EDA: variants seen among roughly 807,000 people sequenced by gnomAD.
EDA encodes ectodysplasin A.
EDA carries 2 observed loss-of-function variants against 23.6 expected under a neutral mutation model. The ratio of observed to expected loss-of-function variants is 0.08; its 90% CI spans 0.03 to 0.27. The LOEUF (loss-of-function observed/expected upper bound fraction) is 0.27. EDA is among the 10% of genes least tolerant of loss of function. EDA has a pLI of 1.00. For missense variants in EDA, 229 were observed against 324.2 expected, an observed-to-expected ratio of 0.71 and a Z score of 2.26; for synonymous variants, 131 against 132.0, an observed-to-expected ratio of 0.99 and a Z score of 0.05.
chrX:69,686,010 T>G (rs1450365658), intron 1 of EDA, among the ~76,000 whole-genome samples: 2 of 112,625 alleles, frequency 1.8e-5, no homozygotes, highest in East Asian at 5.6e-4. Context: ...TTTTCTTTTC[T>G]TTTCTTTTTT....
At chrX:69,997,960 G>T (rs753364409) in intron 2 of EDA, among the ~76,000 whole-genome samples, 1 of 112,701 alleles carries the variant, frequency 8.9e-6, no homozygotes, top group East Asian at 2.8e-4. Flanking sequence ...GAAGTTTGCT[G>T]CAGGGGCAGG....
intron 1 of EDA, among the ~76,000 whole-genome samples, chrX:69,945,490 C>A (rs910367716): frequency 8.9e-6 from 1 of 111,830 alleles, no homozygotes; most frequent in Non-Finnish European, 1.9e-5. Context: ...TCAAAGGATT[C>A]GTTAGAGTTA....
chrX:70,003,172 G>A (rs2019761080), intron 2 of EDA, among the ~76,000 whole-genome samples: 1 of 111,816 alleles, frequency 8.9e-6, no homozygotes, highest in South Asian at 3.8e-4. Flanking sequence ...GACAGGTGAA[G>A]TGATTCGCCC....
chrX:69,832,369 G>C (rs1311380027), intron 1 of EDA, among the ~76,000 whole-genome samples: 1 of 111,196 alleles, frequency 9.0e-6, no homozygotes, highest in Admixed American at 9.6e-5. Flanking sequence ...TTATTTCTGA[G>C]GGCTCTGTTC....
At chrX:69,715,838 T>C (rs900431438) in intron 1 of EDA, among the ~76,000 whole-genome samples, 2 of 111,763 alleles carry the variant, frequency 1.8e-5, no homozygotes, top group Admixed American at 9.5e-5. Context: ...ATCAGTGATA[T>C]TGAGTTTTTT....
chrX:69,919,495 A>G (rs1159895331), intron 1 of EDA, among the ~76,000 whole-genome samples: 1 of 111,531 alleles, frequency 9.0e-6, no homozygotes, highest in Non-Finnish European at 1.9e-5. Flanking sequence ...CTCTTTCCCC[A>G]CCCTCTTCAA....
At chrX:69,861,285 G>A (rs952088086) in intron 1 of EDA, 1 of 166,971 alleles carries the variant, frequency 6.0e-6, no homozygotes, top group Non-Finnish European at 1.1e-5. Flanking sequence ...GAAAATACCA[G>A]ACAATAACAT....
chrX:69,670,215 T>C (rs1397348895), intron 1 of EDA: 1 of 295,548 alleles, frequency 3.4e-6, no homozygotes, highest in Admixed American at 5.8e-5. Context: ...TTCAGGACTT[T>C]GACTACATCA....
At chrX:69,868,973 A>G (rs1044478058) in intron 1 of EDA, among the ~76,000 whole-genome samples, 1 of 111,950 alleles carries the variant, frequency 8.9e-6, no homozygotes, top group Non-Finnish European at 1.9e-5. Context: ...TTGAATGGGG[A>G]TGTGGTGGGA....
At chrX:69,795,921 G>T (rs959336038) in intron 1 of EDA, among the ~76,000 whole-genome samples, 1 of 111,809 alleles carries the variant, frequency 8.9e-6, no homozygotes. Flanking sequence ...GGATTGCCCA[G>T]CCCGGTCCAC....
chrX:69,828,674 C>T (rs976585479), intron 1 of EDA, among the ~76,000 whole-genome samples: 3 of 112,396 alleles, frequency 2.7e-5, no homozygotes, highest in Admixed American at 1.9e-4. Flanking sequence ...GCGTCGCTCA[C>T]GCTGGGAGCT....
intron 6 of EDA, among the ~76,000 whole-genome samples, chrX:70,032,038 C>A (rs1182506125): frequency 9.0e-6 from 1 of 111,077 alleles, no homozygotes; most frequent in African/African-American, 3.3e-5. Context: ...GCTGGCGGAT[C>A]ACATGAGGCC....
intron 1 of EDA, among the ~76,000 whole-genome samples, chrX:69,728,750 C>T (rs909789587): frequency 1.8e-5 from 2 of 111,245 alleles, no homozygotes; most frequent in Non-Finnish European, 3.8e-5. Flanking sequence ...GAAAAACAAG[C>T]TAGTGCAGTG....
At chrX:69,717,185 A>G (rs1321908652) in intron 1 of EDA, among the ~76,000 whole-genome samples, 1 of 110,732 alleles carries the variant, frequency 9.0e-6, no homozygotes, top group Non-Finnish European at 1.9e-5. Flanking sequence ...CCCATTCAAT[A>G]TGATGTTGTC....
intron 1 of EDA, among the ~76,000 whole-genome samples, chrX:69,881,759 C>T (rs2017751644): frequency 1.8e-5 from 2 of 112,171 alleles, no homozygotes; most frequent in Non-Finnish European, 3.8e-5. Flanking sequence ...ATGGCACCCA[C>T]ATCTGCTCGG....
intron 1 of EDA, among the ~76,000 whole-genome samples, chrX:69,636,540 T>C (rs1450653646): frequency 9.1e-6 from 1 of 109,619 alleles, no homozygotes; most frequent in Non-Finnish European, 1.9e-5. Context: ...CCTTCTCTAC[T>C]AAACCCCTCT....
At chrX:69,916,696 C>T (rs181530526) in intron 1 of EDA, among the ~76,000 whole-genome samples, 54 of 110,030 alleles carry the variant, frequency 4.9e-4, no homozygotes, top group African/African-American at 1.7e-3. Flanking sequence ...TGAGCCACCA[C>T]ACCCGGCCTA....
chrX:69,806,860 A>G (rs1317981101), intron 1 of EDA, among the ~76,000 whole-genome samples: 2 of 110,847 alleles, frequency 1.8e-5, no homozygotes, highest in Non-Finnish European at 3.8e-5. Context: ...TAGCTGGAAC[A>G]TAGAAAGAAA....
chrX:70,034,715 C>A (rs186310008), intron 7 of EDA, among the ~76,000 whole-genome samples: 1 of 111,921 alleles, frequency 8.9e-6, no homozygotes. Context: ...GGGGCCTGGG[C>A]TTTTCCAAAT....
Sources: gnomAD v4.1 joint callset for allele counts (sites outside exome capture counted in the v4.1 genomes callset) on GRCh38, gnomAD v4.1.1 for gene constraint, MANE v1.5 for transcripts, NCBI Gene and HGNC (gene_info 2026-07-23, HGNC 2026-07-21) for gene names.